The following LMX1B variants were observed in gnomAD, a reference collection of about 807,000 sequenced individuals.
The protein encoded by LMX1B is LIM homeobox transcription factor 1-beta.
Under a neutral mutation model 51.4 loss-of-function variants are expected in LMX1B, and 12 were observed. The ratio of observed to expected loss-of-function variants is 0.23; its 90% CI spans 0.15 to 0.38. The LOEUF (loss-of-function observed/expected upper bound fraction) is 0.38. Ranked by LOEUF, LMX1B falls within the 10% of genes least tolerant of loss-of-function variation. The pLI, the probability that LMX1B is intolerant of heterozygous loss-of-function variation, is 1.00. For synonymous variants in LMX1B, 237 were observed against 235.4 expected (o/e 1.01, Z -0.06); for missense variants, 445 against 571.1 (o/e 0.78, Z 2.25).
At position 126,682,912 on chromosome 9, in the gene LMX1B, A is replaced by AAAAAAAAG. The variant is rs1554727761; in HGVS notation, c.327-7921_327-7920insAAAAGAAA. On this transcript the variant is annotated intron_variant, in intron 2 of 7. Coordinates refer to ENST00000373474, the MANE Select transcript of LMX1B (RefSeq NM_001174147.2). Reference sequence around the variant, plus strand: ...TCTGTCTGAAAAAAAAAAAAAAAAAAAAAGAAAGAAAGAAATATTTGTGGA... The same window carrying AAAAAAAAG: ...TCTGTCTGAAAAAAAAAAAAAAAAAAAAAAAAAGAAAGAAAGAAAGAAATATTTGTGGA... 2.0e-5 allele frequency among the ~76,000 whole-genome samples: 3 copies of AAAAAAAAG among 148,662 alleles called. No homozygotes were observed. The East Asian group carries it at 5.8e-4, about 29-fold the overall frequency.
Position 126,696,291 on chromosome 9 carries a change from C to G in LMX1B, c.1052-3C>G. On this transcript the variant is annotated splice_region_variant and splice_polypyrimidine_tract_variant and intron_variant, in intron 7 of 7. Coordinates refer to ENST00000373474, the MANE Select transcript of LMX1B (RefSeq NM_001174147.2). ...CGGTCCTGACACCCCTTCTGCCCCC[C>G]AGGGAACGACTCCATCTTCCATGAC... 6.2e-7 allele frequency: 1 copy of G among 1,614,022 alleles called. No homozygotes were observed. The highest frequency in any genetic ancestry group is 8.5e-7 in the Non-Finnish European group (1 of 1,179,916).
chr9:126,623,578 T>C (rs1008389478), intron 2 of LMX1B, among the ~76,000 whole-genome samples: 6 of 152,186 alleles, frequency 3.9e-5, no homozygotes, highest in African/African-American at 7.2e-5. Flanking sequence ...TGTAGCAGAT[T>C]TCCCCCCCAG....
intron 2 of LMX1B, among the ~76,000 whole-genome samples, chr9:126,652,306 G>GGT (rs1836033944): frequency 6.8e-6 from 1 of 146,868 alleles, no homozygotes; most frequent in Non-Finnish European, 1.5e-5. Context: ...AGGGGGGGGG[G>GGT]ATTTTCTCTT....
At chr9:126,638,725 G>A (rs1191327401) in intron 2 of LMX1B, among the ~76,000 whole-genome samples, 2 of 152,188 alleles carry the variant, frequency 1.3e-5, no homozygotes, top group African/African-American at 4.8e-5. Flanking sequence ...GTGCTCTTCG[G>A]AGCGCGCTCC....
At chr9:126,683,117 C>T (rs1308726481) in intron 2 of LMX1B, among the ~76,000 whole-genome samples, 1 of 150,908 alleles carries the variant, frequency 6.6e-6, no homozygotes, top group East Asian at 2.0e-4. Flanking sequence ...CGCACAGCTG[C>T]GGGCCGCAGG....
chr9:126,646,132 T>C (rs1267552141), intron 2 of LMX1B, among the ~76,000 whole-genome samples: 2 of 152,208 alleles, frequency 1.3e-5, no homozygotes, highest in African/African-American at 4.8e-5. Flanking sequence ...GGCAGAATAT[T>C]GGGCTAAACT....
Position 126,697,462 on chromosome 9 carries a change from A to G in LMX1B, c.*1011A>G, listed in dbSNP as rs1276321491. 2 of 152,492 alleles carry G rather than the reference A, an allele frequency of 1.3e-5. No individual in the cohort carries two copies. The highest frequency in any genetic ancestry group is 2.9e-5 in the Non-Finnish European group (2 of 68,268). The allele number at this position is 152,492 out of a possible 1,614,324, so 9.4% of individuals were successfully genotyped here. A position where few individuals can be genotyped will look rare whatever the true frequency, so the allele number is the denominator to read the frequency against. ...TCCCCAGCCACCTCTGCCTCCCCTC[A>G]CATACCTCCAGTGACAAGGAGCTCA... is the stretch of plus-strand genomic sequence containing the variant. On this transcript the variant is annotated 3_prime_UTR_variant, in exon 8 of 8. Coordinates refer to ENST00000373474, the MANE Select transcript of LMX1B (RefSeq NM_001174147.2).
Position 126,633,925 on chromosome 9 carries a change from T to G in LMX1B, c.326+18356T>G, listed in dbSNP as rs1588270431. On this transcript the variant is annotated intron_variant, in intron 2 of 7. Transcript: ENST00000373474. ...GAAAGGGGTAGTCGGCAGTCCAAAT[T>G]CACACAGCTTTGTGTGACCCCTCTG... Among the ~76,000 whole-genome samples the G allele has an allele frequency of 2.0e-5, 3 of 152,138 alleles. No individual in the cohort carries two copies. The East Asian group carries it at 5.8e-4, about 29-fold the overall frequency.
intron 2 of LMX1B, among the ~76,000 whole-genome samples, chr9:126,683,009 C>T (rs1487235043): frequency 2.0e-5 from 3 of 151,696 alleles, no homozygotes; most frequent in Non-Finnish European, 4.4e-5. Context: ...CCGGCTGTGC[C>T]CGTCCCTCCC....
Position 126,641,651 on chromosome 9 carries a change from C to A in LMX1B, c.326+26082C>A, listed in dbSNP as rs972891856. Among the ~76,000 whole-genome samples the A allele has an allele frequency of 6.6e-6, 1 of 152,158 alleles. No homozygotes were observed. Among genetic ancestry groups the A allele is most frequent in the Admixed American group, 6.5e-5 (1 of 15,288 alleles). Reference sequence around the variant, plus strand: ...GTTTCTGTCCTTGAGCCAGTCCCTCCGCTGGAACCCACCACGCTGCTTGCT... The same window carrying A: ...GTTTCTGTCCTTGAGCCAGTCCCTCAGCTGGAACCCACCACGCTGCTTGCT... On this transcript the variant is annotated intron_variant, in intron 2 of 7. Transcript: ENST00000373474. This position sits in a 1 kb window ranked among gnomAD's most constrained non-coding sequence, Gnocchi z 4.1.
rs1365852727 is a variant in LMX1B at position 126,617,627 on chromosome 9, T to C, written c.326+2058T>C. Among the ~76,000 whole-genome samples the C allele has an allele frequency of 2.0e-5, 3 of 152,044 alleles. No individual in the cohort carries two copies. The East Asian group carries it at 5.8e-4, about 29-fold the overall frequency. ...ACAAAACAATTAAACGTTAAGCATT[T>C]GCTACTGCTTTGTCCAAAGTATATT... On this transcript the variant is annotated intron_variant, in intron 2 of 7. Transcript: ENST00000373474.
intron 2 of LMX1B, among the ~76,000 whole-genome samples, chr9:126,654,493 G>A (rs1377834433): frequency 6.6e-6 from 1 of 152,264 alleles, no homozygotes; most frequent in East Asian, 1.9e-4. Flanking sequence ...AGGTAGGTTG[G>A]TGGTAGGTAC....
intron 4 of LMX1B, 92 bp downstream of exon 4, chr9:126,693,415 A>G: frequency 1.3e-6 from 2 of 1,533,866 alleles, no homozygotes; most frequent in Non-Finnish European, 1.8e-6. Flanking sequence ...GGGGGTAGGG[A>G]CATCCCTCCA....
At position 126,615,429 on chromosome 9, in the gene LMX1B, C is replaced by CGAG. The variant is rs1564143806; in HGVS notation, c.186_187insGAG (p.Pro62_Ile63insGlu). On this transcript the variant is annotated inframe_insertion, in exon 2 of 8. Coordinates refer to ENST00000373474, the MANE Select transcript of LMX1B (RefSeq NM_001174147.2). This position sits in a 1 kb window ranked among gnomAD's most constrained non-coding sequence, Gnocchi z 6.0. Reference sequence around the variant, plus strand: ...CCGTCTGCGAGGGCTGCCAGCGGCCCATCTCCGACCGCTTCCTGATGCGAG... The same window carrying CGAG: ...CCGTCTGCGAGGGCTGCCAGCGGCCCGAGATCTCCGACCGCTTCCTGATGCGAG... The CGAG allele has an allele frequency of 6.2e-7, 1 of 1,608,710 alleles. No individual in the cohort carries two copies. Among genetic ancestry groups the CGAG allele is most frequent in the South Asian group, 1.1e-5 (1 of 90,308 alleles).
chr9:126,657,205 C>T (rs1279216443), intron 2 of LMX1B, among the ~76,000 whole-genome samples: 1 of 152,176 alleles, frequency 6.6e-6, no homozygotes, highest in East Asian at 1.9e-4. Context: ...TAAGAAGAAA[C>T]ATTTTTCCCA....
At chr9:126,616,300 G>A (rs1427554875) in intron 2 of LMX1B, among the ~76,000 whole-genome samples, 1 of 152,130 alleles carries the variant, frequency 6.6e-6, no homozygotes, top group Non-Finnish European at 1.5e-5. Context: ...GGAGGGAGAT[G>A]GCCCGCTCTG....
intron 2 of LMX1B, among the ~76,000 whole-genome samples, chr9:126,678,223 T>C (rs1202991767): frequency 1.3e-5 from 2 of 150,350 alleles, no homozygotes; most frequent in Admixed American, 1.3e-4. Flanking sequence ...GACAGGAGAA[T>C]CGCTTGAATC....
chr9:126,682,761 G>A (rs187055442), intron 2 of LMX1B, among the ~76,000 whole-genome samples: 146 of 152,214 alleles, frequency 9.6e-4, no homozygotes, highest in African/African-American at 3.4e-3. Flanking sequence ...CGGGCGCGGT[G>A]GCGCCTGCCT....
At chr9:126,622,545 G>T (rs574236774) in intron 2 of LMX1B, among the ~76,000 whole-genome samples, 1 of 152,356 alleles carries the variant, frequency 6.6e-6, no homozygotes, top group African/African-American at 2.4e-5. Context: ...GTGACGGGAG[G>T]GGAGGAGCAG....
Sources: allele counts gnomAD v4.1 joint callset (sites outside exome capture counted in the v4.1 genomes callset), GRCh38; gene constraint gnomAD v4.1.1; non-coding constraint Gnocchi (gnomAD v3.1); transcripts MANE v1.5; gene names NCBI Gene and HGNC (gene_info 2026-07-23, HGNC 2026-07-21).